Variants in CRTAC1 observed in about 807,000 individuals in gnomAD.
The protein encoded by CRTAC1 is acidic secreted protein in cartilage.
A neutral mutation model predicts 67.8 loss-of-function variants in CRTAC1; 37 were observed. The observed-to-expected ratio is 0.55, with a 90% CI of 0.42 to 0.72. The LOEUF is 0.72. Among genes scored for constraint, CRTAC1 ranks in the 30% least tolerant of loss-of-function variants. The pLI is 0.00. For missense variants in CRTAC1, 780 were observed against 931.6 expected (o/e 0.84, Z 2.12); for synonymous variants, 348 against 371.0 (o/e 0.94, Z 0.71).
At chr10:98,014,061 T>C (rs1842954056) in intron 1 of CRTAC1, among the ~76,000 whole-genome samples, 1 of 152,226 alleles carries the variant, frequency 6.6e-6, no homozygotes, top group South Asian at 2.1e-4. Flanking sequence ...GCTGTCTTGA[T>C]GGCGTATTTT....
chr10:97,896,644 A>G (rs2050462472), intron 9 of CRTAC1, among the ~76,000 whole-genome samples: 1 of 152,110 alleles, frequency 6.6e-6, no homozygotes. Flanking sequence ...GCTCCTGCCC[A>G]CAGACCCACA....
chr10:97,908,619 T>G (rs2050647896), intron 5 of CRTAC1, among the ~76,000 whole-genome samples: 4 of 152,224 alleles, frequency 2.6e-5, no homozygotes, highest in African/African-American at 9.6e-5. Context: ...CAGCTATAGG[T>G]ACGCAGATGC....
chr10:97,901,664 A>G (rs754371747), intron 7 of CRTAC1, 25 bp from the exon 8 acceptor site: 4 of 1,613,724 alleles, frequency 2.5e-6, no homozygotes, highest in Non-Finnish European at 3.4e-6. Context: ...GCTGGGGGTC[A>G]GTGGCAGGAG....
chr10:97,986,688 CTTAT>C (rs1428841556), intron 2 of CRTAC1, among the ~76,000 whole-genome samples: 2 of 152,160 alleles, frequency 1.3e-5, no homozygotes, highest in African/African-American at 4.8e-5. Context: ...GTACATCATT[CTTAT>C]TTAGTTAATT....
intron 2 of CRTAC1, among the ~76,000 whole-genome samples, chr10:97,941,656 C>T (rs954626806): frequency 6.6e-6 from 1 of 152,140 alleles, no homozygotes; most frequent in African/African-American, 2.4e-5. Context: ...CATTAATTGG[C>T]CCATCCTGTC....
chr10:97,872,055 G>A (rs1005996010), intron 14 of CRTAC1, among the ~76,000 whole-genome samples: 1 of 152,146 alleles, frequency 6.6e-6, no homozygotes, highest in Non-Finnish European at 1.5e-5. Context: ...TTTCCCTGCT[G>A]CCCACAATTA....
At chr10:97,876,093 C>T (rs570816870) in intron 14 of CRTAC1, among the ~76,000 whole-genome samples, 27 of 152,286 alleles carry the variant, frequency 1.8e-4, no homozygotes, top group Non-Finnish European at 3.7e-4. Flanking sequence ...TTTTTCCCCT[C>T]CCAATCCTGC....
chr10:97,868,498 G>A (rs539587134), intron 14 of CRTAC1: 25 of 152,378 alleles, frequency 1.6e-4, no homozygotes, highest in African/African-American at 5.5e-4. Context: ...TGGGGACAAC[G>A]GCTCCAGCCT....
chr10:97,939,307 GT>G (rs2051136195), intron 2 of CRTAC1, among the ~76,000 whole-genome samples: 1 of 152,186 alleles, frequency 6.6e-6, no homozygotes, highest in Admixed American at 6.5e-5. Context: ...TCTTTAAAGA[GT>G]TTTAAGGTGC....
intron 2 of CRTAC1, among the ~76,000 whole-genome samples, chr10:97,984,597 C>G (rs2051949259): frequency 6.6e-6 from 1 of 152,202 alleles, no homozygotes; most frequent in East Asian, 1.9e-4. Flanking sequence ...GTTACAGGGT[C>G]TGGTGTTCTT....
At chr10:98,000,452 G>A (rs1251479742) in intron 2 of CRTAC1, among the ~76,000 whole-genome samples, 1 of 152,230 alleles carries the variant, frequency 6.6e-6, no homozygotes, top group East Asian at 1.9e-4. Flanking sequence ...AGCACCTGGA[G>A]CTGCCCGCTC....
intron 2 of CRTAC1, among the ~76,000 whole-genome samples, chr10:97,942,892 C>T (rs1010823546): frequency 1.5e-4 from 22 of 151,680 alleles, no homozygotes; most frequent in Non-Finnish European, 2.6e-4. Context: ...CATAGTGACA[C>T]CTGTCTCTAC....
chr10:97,977,200 G>A (rs548337276), intron 2 of CRTAC1, among the ~76,000 whole-genome samples: 1 of 152,328 alleles, frequency 6.6e-6, no homozygotes, highest in South Asian at 2.1e-4. Context: ...CAGGGTAATT[G>A]ATAAAGGGGC....
intron 12 of CRTAC1, 108 bp from the exon 13 acceptor site, chr10:97,882,936 G>T: frequency 8.8e-7 from 1 of 1,133,188 alleles, no homozygotes; most frequent in Non-Finnish European, 1.3e-6. Flanking sequence ...ACAGTGTGAG[G>T]CATGCTCTGA....
intron 11 of CRTAC1, 162 bp from the exon 12 acceptor site, chr10:97,884,513 T>C: frequency 4.5e-6 from 3 of 665,828 alleles, no homozygotes; most frequent in Non-Finnish European, 7.7e-6. Context: ...GTCCCTCCTC[T>C]CTGGAGCAAT....
chr10:97,940,960 C>T (rs1309369640), intron 2 of CRTAC1, among the ~76,000 whole-genome samples: 1 of 152,208 alleles, frequency 6.6e-6, no homozygotes, highest in Admixed American at 6.5e-5. Context: ...ACATCCCGCC[C>T]TCGGTAGCTC....
In CRTAC1 at chr10:97,977,206, G is replaced by A. The variant is rs77141432; in HGVS notation, c.224+33932C>T. On this transcript the variant is annotated intron_variant, in intron 2 of 14. Coordinates refer to ENST00000370597, the MANE Select transcript of CRTAC1 (RefSeq NM_018058.7). Reference sequence around the variant, plus strand: ...AAGAGGGCCCAGGGTAATTGATAAAGGGGCCTCCACTCAGGCATCTTTTGT... The same window carrying A: ...AAGAGGGCCCAGGGTAATTGATAAAAGGGCCTCCACTCAGGCATCTTTTGT... Among the ~76,000 whole-genome samples the A allele has an allele frequency of 1.8e-3, 267 of 152,336 alleles. 6 individuals are homozygous for A. In the East Asian group the frequency reaches 0.047, roughly 27 times the overall value.
chr10:97,946,635 G>T (rs1564907007), intron 2 of CRTAC1, among the ~76,000 whole-genome samples: 1 of 152,176 alleles, frequency 6.6e-6, no homozygotes, highest in Non-Finnish European at 1.5e-5. Context: ...AGGAAGAGAA[G>T]TGCCAGGAAG....
intron 14 of CRTAC1, chr10:97,878,507 A>G: frequency 1.1e-6 from 1 of 933,894 alleles, no homozygotes; most frequent in African/African-American, 1.7e-5. Flanking sequence ...GTGTAATTTT[A>G]TTATATCCTG....
Sources: allele counts gnomAD v4.1 joint callset (sites outside exome capture counted in the v4.1 genomes callset), GRCh38; gene constraint gnomAD v4.1.1; transcripts MANE v1.5; gene names NCBI Gene and HGNC (gene_info 2026-07-23, HGNC 2026-07-21).